Variants in UBAP2L observed in about 807,000 individuals in gnomAD.
UBAP2L encodes ubiquitin-associated protein 2-like.
A neutral mutation model predicts 130.6 loss-of-function variants in UBAP2L; 12 were observed. The observed-to-expected ratio is 0.09, with a 90% CI of 0.06 to 0.15. The LOEUF (loss-of-function observed/expected upper bound fraction) is 0.15, where lower values mean the gene tolerates loss of function less well. UBAP2L is among the 10% of genes least tolerant of loss of function. The pLI, the probability that UBAP2L is intolerant of heterozygous loss-of-function variation, is 1.00. For missense variants in UBAP2L, 965 were observed against 1,332.5 expected, an observed-to-expected ratio of 0.72 and a Z score of 4.29; for synonymous variants, 503 against 524.7, an observed-to-expected ratio of 0.96 and a Z score of 0.57.
chr1:154,260,250 G>A (rs988589575), intron 22 of UBAP2L, among the ~76,000 whole-genome samples: 17 of 152,192 alleles, frequency 1.1e-4, no homozygotes, highest in Non-Finnish European at 2.2e-4. Flanking sequence ...GCACACACTT[G>A]TAGTCTCAGC....
chr1:154,233,077 G>A (rs777609346), intron 4 of UBAP2L, among the ~76,000 whole-genome samples: 7 of 151,794 alleles, frequency 4.6e-5, no homozygotes, highest in African/African-American at 7.3e-5. Context: ...GCAATGGCAG[G>A]ATCTCAGCTT....
intron 14 of UBAP2L, among the ~76,000 whole-genome samples, chr1:154,253,607 C>A (rs988467397): frequency 6.6e-6 from 1 of 150,378 alleles, no homozygotes; most frequent in African/African-American, 2.4e-5. Flanking sequence ...CTCCTGACCT[C>A]GTGATCCGCC....
chr1:154,243,763 G>A (rs766035716), intron 10 of UBAP2L, among the ~76,000 whole-genome samples: 7 of 152,140 alleles, frequency 4.6e-5, no homozygotes, highest in Non-Finnish European at 1.0e-4. Flanking sequence ...GCCAGTTGAT[G>A]GAGAGACTTC....
chr1:154,226,074 A>G (rs564296558), intron 2 of UBAP2L, among the ~76,000 whole-genome samples: 1 of 152,346 alleles, frequency 6.6e-6, no homozygotes, highest in South Asian at 2.1e-4. Context: ...TCGGCCTCCC[A>G]GAGTACTGGG....
At chr1:154,261,536 G>A in intron 23 of UBAP2L, 56 bp from the exon 24 acceptor site, 2 of 1,538,102 alleles carry the variant, frequency 1.3e-6, no homozygotes, top group Non-Finnish European at 1.8e-6. Flanking sequence ...AGGACAAGTG[G>A]GACAGATGGT....
intron 20 of UBAP2L, among the ~76,000 whole-genome samples, chr1:154,258,433 A>C (rs931925990): frequency 1.3e-5 from 2 of 152,132 alleles, no homozygotes; most frequent in Admixed American, 1.3e-4. Context: ...TGTGACCTTC[A>C]AGTATTTGGT....
chr1:154,263,920 G>T (rs145415867), intron 24 of UBAP2L, among the ~76,000 whole-genome samples: 1 of 152,168 alleles, frequency 6.6e-6, no homozygotes, highest in Admixed American at 6.5e-5. Flanking sequence ...AGGCCAAGTG[G>T]CTAAGATCTG....
At chr1:154,250,666 C>T (rs1293890169) in intron 12 of UBAP2L, among the ~76,000 whole-genome samples, 1 of 151,932 alleles carries the variant, frequency 6.6e-6, no homozygotes, top group African/African-American at 2.4e-5. Flanking sequence ...CCAGCCTGGC[C>T]AACATGACAA....
intron 2 of UBAP2L, among the ~76,000 whole-genome samples, chr1:154,226,546 C>T (rs1307028171): frequency 6.6e-6 from 1 of 152,126 alleles, no homozygotes; most frequent in African/African-American, 2.4e-5. Context: ...CAGTAAAATT[C>T]CTAGTATCTG....
intron 5 of UBAP2L, 116 bp downstream of exon 5, chr1:154,234,875 C>CT (rs1671092178): frequency 7.0e-7 from 1 of 1,424,234 alleles, no homozygotes; most frequent in South Asian, 1.3e-5. Context: ...TTTTGCTTTT[C>CT]TTGCCGTCGT....
chr1:154,270,147 T>C (rs1684434991), intron 26 of UBAP2L, 53 bp from the exon 27 acceptor site: 8 of 1,521,042 alleles, frequency 5.3e-6, no homozygotes, highest in South Asian at 1.3e-5. Flanking sequence ...TACAAATTTG[T>C]ACCACTAACT....
At chr1:154,241,035 A>G (rs1673405495) in intron 8 of UBAP2L, among the ~76,000 whole-genome samples, 1 of 148,674 alleles carries the variant, frequency 6.7e-6, no homozygotes, top group South Asian at 2.1e-4. Context: ...ATCCTTTTCT[A>G]AAGAGTGTTT....
chr1:154,228,185 TTTTG>T (rs1571606393), intron 3 of UBAP2L, among the ~76,000 whole-genome samples: 1 of 151,876 alleles, frequency 6.6e-6, no homozygotes, highest in African/African-American at 2.4e-5. Context: ...TTTCTTTCTT[TTTTG>T]TTTTTTTTTT....
intron 4 of UBAP2L, among the ~76,000 whole-genome samples, chr1:154,232,323 C>CAA (rs201210068): frequency 7.4e-5 from 9 of 121,850 alleles, no homozygotes; most frequent in Admixed American, 1.7e-4. Flanking sequence ...ACTAAGTTTC[C>CAA]AAAAAAAAAA....
At chr1:154,263,729 C>T (rs895193955) in intron 24 of UBAP2L, among the ~76,000 whole-genome samples, 1 of 152,214 alleles carries the variant, frequency 6.6e-6, no homozygotes, top group Non-Finnish European at 1.5e-5. Flanking sequence ...ACCTGATTCT[C>T]CATGCTTATG....
intron 12 of UBAP2L, among the ~76,000 whole-genome samples, chr1:154,250,621 A>C (rs1677263629): frequency 6.6e-6 from 1 of 152,098 alleles, no homozygotes; most frequent in Admixed American, 6.6e-5. Context: ...CGAGAAGCCG[A>C]GGCGGACGGA....
Position 154,254,098 on chromosome 1 carries a change from T to A in UBAP2L, c.1854+9T>A. The A allele has an allele frequency of 2.0e-6, 3 of 1,519,856 alleles. No homozygotes were observed. The highest frequency in any genetic ancestry group is 2.6e-6 in the Non-Finnish European group (3 of 1,138,448). The allele number at this position is 1,519,856 out of a possible 1,614,324, so 94.1% of individuals were successfully genotyped here. A position where few individuals can be genotyped will look rare whatever the true frequency, so the allele number is the denominator to read the frequency against. On this transcript the variant is annotated intron_variant, in intron 15 of 26. Transcript: ENST00000428931. ...ACCTGACTCAGGCAAAGGTAGTGGC[T>A]TCATGAACCCTTGGGAATTGGTTAG...
In UBAP2L at chr1:154,237,102, C is replaced by T. The variant is rs1301297572; in HGVS notation, c.669C>T (p.Asn223=). The change falls in exon 8 of 27, where the codon AAC becomes AAT. Residue 223 remains asparagine (N), a synonymous_variant. Transcript: ENST00000428931. ...NYGNSSGNTW[N]NTGHFEPDDG... ...GCAATAGCAGCGGCAATACGTGGAA[C>T]AACACTGGCCACTTTGAACCAGATG... 20 of 1,614,010 alleles carry T rather than the reference C, an allele frequency of 1.2e-5. No homozygotes were observed. The East Asian group carries it at 2.2e-4, about 18-fold the overall frequency.
chr1:154,240,877 T>C (rs1673300529), intron 8 of UBAP2L, among the ~76,000 whole-genome samples: 1 of 151,514 alleles, frequency 6.6e-6, no homozygotes, highest in Non-Finnish European at 1.5e-5. Flanking sequence ...AATTGACCAC[T>C]AAATCAACCT....
Sources: gnomAD v4.1 joint callset for allele counts (sites outside exome capture counted in the v4.1 genomes callset) on GRCh38, gnomAD v4.1.1 for gene constraint, MANE v1.5 for transcripts, NCBI Gene and HGNC (gene_info 2026-07-23, HGNC 2026-07-21) for gene names.